The following PPP2R3A variants were observed in gnomAD, a reference collection of about 807,000 sequenced individuals.
The protein encoded by PPP2R3A is protein phosphatase 2 regulatory subunit B''alpha, also known as serine/threonine-protein phosphatase 2A regulatory subunit B'' subunit alpha.
A neutral mutation model predicts 106.9 loss-of-function variants in PPP2R3A; 80 were observed. That is an observed-to-expected ratio of 0.75 (90% CI 0.62 to 0.90). The LOEUF is 0.90. Ranked by LOEUF, PPP2R3A falls within the 40% of genes least tolerant of loss-of-function variation. PPP2R3A has a pLI of 0.00. For missense variants in PPP2R3A, 1,386 were observed against 1,350.4 expected (o/e 1.03, Z -0.41); for synonymous variants, 483 against 468.3 (o/e 1.03, Z -0.41).
intron 13 of PPP2R3A, among the ~76,000 whole-genome samples, chr3:136,142,431 T>C (rs1185772291): frequency 6.6e-6 from 1 of 152,156 alleles, no homozygotes; most frequent in Non-Finnish European, 1.5e-5. Context: ...TCCAGGATGC[T>C]GACAAAGGAG....
chr3:136,100,594 A>G (rs113377621), intron 10 of PPP2R3A, among the ~76,000 whole-genome samples: 7,306 of 151,910 alleles, frequency 0.048, 568 homozygotes, highest in African/African-American at 0.16. Context: ...CAGAAGAATC[A>G]CTTGAACCCG....
intron 2 of PPP2R3A, among the ~76,000 whole-genome samples, chr3:136,021,740 T>C (rs1007702963): frequency 6.6e-6 from 1 of 152,164 alleles, no homozygotes; most frequent in Non-Finnish European, 1.5e-5. Flanking sequence ...ATCAATGTGT[T>C]CTACATCTAG....
chr3:136,065,386 G>C (rs938862302), intron 5 of PPP2R3A, among the ~76,000 whole-genome samples: 5 of 152,086 alleles, frequency 3.3e-5, no homozygotes, highest in African/African-American at 1.2e-4. Context: ...GGTGGGGTAG[G>C]TTAGTAGAAT....
chr3:136,128,895 A>G (rs1459322329), intron 13 of PPP2R3A, among the ~76,000 whole-genome samples: 10 of 152,212 alleles, frequency 6.6e-5, no homozygotes, highest in Admixed American at 1.3e-4. Flanking sequence ...CATGGAAACT[A>G]AACAACCTGC....
intron 5 of PPP2R3A, among the ~76,000 whole-genome samples, 154 bp downstream of exon 5, chr3:136,049,515 C>CTCTCGTTAAATGAAA (rs3836255): frequency 0.34 from 50,252 of 147,956 alleles, 9,898 homozygotes; most frequent in African/African-American, 0.53. Context: ...CAGTAAGATC[C>CTCTCGTTAAATGAAA]TCTCGTTAAA....
chr3:135,985,044 C>T (rs1023316547), intron 1 of PPP2R3A, among the ~76,000 whole-genome samples: 2 of 152,128 alleles, frequency 1.3e-5, no homozygotes, highest in Admixed American at 1.3e-4. Context: ...CTCCCTCCCG[C>T]AACATGTGGG....
chr3:136,011,946 A>G (rs1346706497), intron 2 of PPP2R3A, among the ~76,000 whole-genome samples: 4 of 150,620 alleles, frequency 2.7e-5, no homozygotes, highest in Non-Finnish European at 4.4e-5. Flanking sequence ...TGTGAGTTCA[A>G]CTCCCACCCA....
chr3:136,103,816 A>C (rs1937444499), intron 12 of PPP2R3A, among the ~76,000 whole-genome samples: 1 of 152,204 alleles, frequency 6.6e-6, no homozygotes. Context: ...CATGATAGAA[A>C]ACCTTCAAAT....
At chr3:136,070,366 A>G (rs1249015367) in intron 5 of PPP2R3A, 112 bp from the exon 6 acceptor site, 10 of 710,522 alleles carry the variant, frequency 1.4e-5, no homozygotes, top group African/African-American at 9.2e-5. Context: ...TGCATTATTC[A>G]TTATTGTAAA....
chr3:136,092,871 A>G (rs915298901), intron 10 of PPP2R3A, among the ~76,000 whole-genome samples: 2 of 152,150 alleles, frequency 1.3e-5, no homozygotes, highest in African/African-American at 2.4e-5. Context: ...GGTTTTTGCA[A>G]TTTCTTTTGG....
chr3:136,111,491 C>T (rs1303111573), intron 13 of PPP2R3A, among the ~76,000 whole-genome samples: 3 of 152,108 alleles, frequency 2.0e-5, no homozygotes, highest in South Asian at 2.1e-4. Flanking sequence ...TACCTAAACT[C>T]CGCTCAAAGT....
chr3:135,969,436 A>G (rs954245891), intron 1 of PPP2R3A, among the ~76,000 whole-genome samples: 4 of 152,218 alleles, frequency 2.6e-5, no homozygotes, highest in Admixed American at 6.5e-5. Context: ...AGCTTGCCCA[A>G]CCAGTGAATG....
intron 4 of PPP2R3A, among the ~76,000 whole-genome samples, chr3:136,043,985 C>G (rs1434410003): frequency 6.6e-6 from 1 of 152,150 alleles, no homozygotes; most frequent in Non-Finnish European, 1.5e-5. Flanking sequence ...TCACTTTGTC[C>G]TCTCAGAGTA....
intron 3 of PPP2R3A, among the ~76,000 whole-genome samples, chr3:136,034,645 A>G (rs1277156275): frequency 1.3e-5 from 2 of 152,138 alleles, no homozygotes; most frequent in East Asian, 1.9e-4. Flanking sequence ...GGCCTCTTCT[A>G]TGGTCTATCT....
intron 2 of PPP2R3A, among the ~76,000 whole-genome samples, chr3:136,008,784 C>T (rs1933939976): frequency 6.6e-6 from 1 of 152,122 alleles, no homozygotes; most frequent in African/African-American, 2.4e-5. Flanking sequence ...TCCACTCCAC[C>T]CTTGGCAGGA....
chr3:136,104,447 C>T (rs1937463933), intron 12 of PPP2R3A, among the ~76,000 whole-genome samples: 1 of 152,036 alleles, frequency 6.6e-6, no homozygotes, highest in African/African-American at 2.4e-5. Flanking sequence ...ACTGGGATTA[C>T]AGGCATGCAC....
chr3:136,011,696 T>C (rs1934082133), intron 2 of PPP2R3A, among the ~76,000 whole-genome samples: 1 of 152,142 alleles, frequency 6.6e-6, no homozygotes, highest in Non-Finnish European at 1.5e-5. Flanking sequence ...GGGAATTACA[T>C]AGAGATCTTT....
Position 136,137,524 on chromosome 3 carries a change from T to C in PPP2R3A, c.3330-7519T>C, listed in dbSNP as rs116814980. 6.8e-3 allele frequency among the ~76,000 whole-genome samples: 1,013 copies of C among 148,648 alleles called. 15 individuals carry two copies. Among genetic ancestry groups the C allele is most frequent in the East Asian group, 0.044 (226 of 5,100 alleles). On this transcript the variant is annotated intron_variant, in intron 13 of 13. Coordinates refer to ENST00000264977, the MANE Select transcript of PPP2R3A (RefSeq NM_002718.5). Reference sequence around the variant, plus strand: ...TTTATATTAAAAATATATGAATTACTCTGTCAGAGATTTTTTTTTTTTTTT... The same window carrying C: ...TTTATATTAAAAATATATGAATTACCCTGTCAGAGATTTTTTTTTTTTTTT...
chr3:136,030,778 A>ATATATATATATATATATATATATGTATG (rs1206335696), intron 3 of PPP2R3A, among the ~76,000 whole-genome samples: 31 of 111,286 alleles, frequency 2.8e-4, no homozygotes, highest in Non-Finnish European at 3.1e-4. Flanking sequence ...ATATATATAT[A>ATATATATATATATATATATATATGTATG]TATGTATGTA....
Sources: allele counts gnomAD v4.1 joint callset (sites outside exome capture counted in the v4.1 genomes callset), GRCh38; gene constraint gnomAD v4.1.1; transcripts MANE v1.5; gene names NCBI Gene and HGNC (gene_info 2026-07-23, HGNC 2026-07-21).